TTLL3: variants seen among roughly 807,000 people sequenced by gnomAD.
TTLL3 encodes tubulin monoglycylase TTLL3.
In TTLL3, 63 loss-of-function variants were observed where a neutral mutation model predicts 75.2. The ratio of observed to expected loss-of-function variants is 0.84; its 90% CI spans 0.68 to 1.03. The LOEUF (loss-of-function observed/expected upper bound fraction) is 1.03, where lower values mean the gene tolerates loss of function less well. TTLL3 is among the 50% of genes least tolerant of loss of function. The pLI is 0.00. For synonymous variants in TTLL3, 393 were observed against 418.5 expected (o/e 0.94, Z 0.74); for missense variants, 997 against 1,069.9 (o/e 0.93, Z 0.95).
At chr3:9,815,950 G>T in intron 4 of TTLL3, 124 bp from the exon 5 acceptor site, 1 of 998,108 alleles carries the variant, frequency 1.0e-6, no homozygotes. Context: ...GTGGGCTAGA[G>T]GCCACCTTGG....
rs545180779 is a variant in TTLL3, at chr3:9,829,337, T to A, written c.1625T>A (p.Ile542Asn). ...GVQADTLRVV[I>N]DRMLDRNCDT... ...CAAGCTGACACCCTGCGCGTGGTCA[T>A]TGACCGGATGCTGGACCGCAACTGT... is the stretch of plus-strand genomic sequence containing the variant. Residue 542 changes from isoleucine to asparagine, a missense_variant, in exon 11 of 14, where the codon ATT (isoleucine) becomes AAT (asparagine). By Grantham distance (149) the Ile-to-Asn change is moderately radical (BLOSUM62 -3). Coordinates refer to ENST00000685419, the MANE Select transcript of TTLL3 (RefSeq NM_001387446.1). 6.2e-7 allele frequency: 1 copy of A among 1,612,512 alleles called. No individual in the cohort carries two copies. The highest frequency in any genetic ancestry group is 1.7e-5 in the Admixed American group (1 of 59,934).
At chr3:9,830,567 T>C (rs945334937) in intron 11 of TTLL3, among the ~76,000 whole-genome samples, 2 of 152,130 alleles carry the variant, frequency 1.3e-5, no homozygotes, top group African/African-American at 2.4e-5. Context: ...TAAATTAATA[T>C]ATTGGCGTTT....
rs1279768211 is a variant in TTLL3, at chr3:9,810,416, C to T, written c.-42+22C>T. 6 of 1,413,784 alleles carry T rather than the reference C, an allele frequency of 4.2e-6. No homozygotes were observed. Among genetic ancestry groups the T allele is most frequent in the Admixed American group, 6.2e-5 (2 of 32,248 alleles). The allele number at this position is 1,413,784 out of a possible 1,614,324, so 87.6% of individuals were successfully genotyped here. On this transcript the variant is annotated intron_variant, in intron 1 of 13. Coordinates refer to ENST00000685419, the MANE Select transcript of TTLL3 (RefSeq NM_001387446.1). This position sits in a 1 kb window ranked among gnomAD's most constrained non-coding sequence, Gnocchi z 4.4. ...GATGGTGAGGCCCGTGCGGCCCGCT[C>T]GCTCTGGCCTACAGCGGCTGCGAGG...
chr3:9,821,378 G>A (rs1402256071), intron 8 of TTLL3, among the ~76,000 whole-genome samples: 3 of 152,182 alleles, frequency 2.0e-5, no homozygotes, highest in African/African-American at 7.2e-5. Context: ...AGCATTTCTT[G>A]AGCAACTCCG....
chr3:9,824,737 C>CTTTTTTTTTTTTTT (rs71052207), intron 8 of TTLL3, among the ~76,000 whole-genome samples: 13 of 80,642 alleles, frequency 1.6e-4, no homozygotes, highest in Non-Finnish European at 2.2e-4. Flanking sequence ...CTTTTCTTTT[C>CTTTTTTTTTTTTTT]TTTTTTTTTT....
chr3:9,820,939 C>A, intron 8 of TTLL3, 198 bp downstream of exon 8: 1 of 827,898 alleles, frequency 1.2e-6, no homozygotes, highest in Non-Finnish European at 1.8e-6. Flanking sequence ...ATAGCATAGT[C>A]ACTAAGAGCA....
upstream of TTLL3, chr3:9,810,094 G>A: frequency 2.1e-6 from 3 of 1,439,540 alleles, no homozygotes; most frequent in East Asian, 3.0e-5. This position sits in a 1 kb window ranked among gnomAD's most constrained non-coding sequence, Gnocchi z 4.4. Context: ...CCGCCAGGAG[G>A]GCGGCGCGGT....
intron 4 of TTLL3, among the ~76,000 whole-genome samples, chr3:9,814,854 G>A (rs1285830278): frequency 2.0e-5 from 3 of 151,882 alleles, no homozygotes; most frequent in African/African-American, 4.8e-5. Context: ...TGAAAGAGTC[G>A]GTGTGATGAT....
chr3:9,823,307 C>T (rs963382154), intron 8 of TTLL3, among the ~76,000 whole-genome samples: 1 of 151,894 alleles, frequency 6.6e-6, no homozygotes, highest in Non-Finnish European at 1.5e-5. Context: ...TGGCGTGAAC[C>T]CAGAAGGCGG....
At chr3:9,820,055 A>C in intron 7 of TTLL3, 1 of 991,118 alleles carries the variant, frequency 1.0e-6, no homozygotes. Context: ...GGCCTTGTGC[A>C]GTAACAGTGC....
chr3:9,817,600 A>C, intron 5 of TTLL3, 45 bp from the exon 6 acceptor site: 1 of 1,612,988 alleles, frequency 6.2e-7, no homozygotes, highest in East Asian at 2.2e-5. Context: ...GTGTGTGGTG[A>C]GTGTGGGCAG....
At chr3:9,814,491 T>C (rs2079639857) in intron 4 of TTLL3, among the ~76,000 whole-genome samples, 1 of 151,006 alleles carries the variant, frequency 6.6e-6, no homozygotes, top group Admixed American at 6.6e-5. Flanking sequence ...ACTAAAAAAA[T>C]AGAAAAATTA....
Position 9,829,434 on chromosome 3 carries a change from G to C in TTLL3, c.1683+39G>C, listed in dbSNP as rs182836448. On this transcript the variant is annotated intron_variant, in intron 11 of 13. Coordinates refer to ENST00000685419, the MANE Select transcript of TTLL3 (RefSeq NM_001387446.1). Reference sequence around the variant, plus strand: ...GCCCAGGCAGGACCCCAGAGAGTCTGCACCCTCTTCCAGGCAGCCCTGCAG... The same window carrying C: ...GCCCAGGCAGGACCCCAGAGAGTCTCCACCCTCTTCCAGGCAGCCCTGCAG... 6.7e-5 allele frequency: 103 copies of C among 1,543,728 alleles called. No individual in the cohort carries two copies. In the East Asian group the frequency reaches 8.8e-4, roughly 13 times the overall value.
chr3:9,813,050 G>A lies in TTLL3; in HGVS notation c.156G>A (p.Leu52=), dbSNP rs2125677714. 1 of 1,588,948 alleles carries A rather than the reference G, an allele frequency of 6.3e-7. No individual in the cohort carries two copies. ...TGGTCCATCGCTCAGGCCCCACCCT[G>A]CTGCCACCCCAGAAGGATCTGGATA... ...KKMVHRSGPT[L]LPPQKDLDSS... Residue 52 remains leucine (L), a synonymous_variant, in exon 3 of 14, where the codon CTG becomes CTA. Transcript: ENST00000685419.
intron 9 of TTLL3, 35 bp downstream of exon 9, chr3:9,825,983 T>C (rs757508900): frequency 6.2e-7 from 1 of 1,604,496 alleles, no homozygotes; most frequent in Non-Finnish European, 8.5e-7. Flanking sequence ...CACTGGCACC[T>C]CACCACCTGC....
intron 4 of TTLL3, among the ~76,000 whole-genome samples, chr3:9,815,705 T>TGTCTCA (rs1343611356): frequency 6.6e-6 from 1 of 152,278 alleles, no homozygotes; most frequent in African/African-American, 2.4e-5. Flanking sequence ...GGTGGGTCTA[T>TGTCTCA]GTCTCAGTCT....
chr3:9,820,559 C>G lies in TTLL3; in HGVS notation c.672C>G (p.Pro224=). Residue 224 remains proline (P), a synonymous_variant, in exon 8 of 14, where the codon CCC becomes CCG. Transcript: ENST00000685419. ...CCCTATGTGCAGGAGACAAGCAGCC[C>G]AAGAAACAGGAGAAAAACCCAGTGT... ...VEEEASGDKQ[P]KKQEKNPVLV... 1 of 1,613,996 alleles carries G rather than the reference C, an allele frequency of 6.2e-7. No homozygotes were observed. Among genetic ancestry groups the G allele is most frequent in the Non-Finnish European group, 8.5e-7 (1 of 1,179,972 alleles).
chr3:9,825,398 G>A lies in TTLL3; in HGVS notation c.855-402G>A, dbSNP rs1037134223. 1.0e-4 allele frequency: 25 copies of A among 238,338 alleles called. No individual in the cohort carries two copies. The East Asian group carries it at 2.8e-3, about 27-fold the overall frequency. 14.8% of individuals were successfully genotyped at this position (238,338 alleles called of 1,614,324 possible). A position where few individuals can be genotyped will look rare whatever the true frequency, so the allele number is the denominator to read the frequency against. ...GGTACTAGTAATACTTCCCTGGCAG[G>A]GCCTTGAGGGCATTCGTGAAAATAT... is the stretch of plus-strand genomic sequence containing the variant. On this transcript the variant is annotated intron_variant, in intron 8 of 13. Coordinates refer to ENST00000685419, the MANE Select transcript of TTLL3 (RefSeq NM_001387446.1).
Position 9,825,828 on chromosome 3 carries a change from A to G in TTLL3, c.883A>G (p.Thr295Ala), listed in dbSNP as rs1186157999. ...AGGGGCAGAACTCAGGCACCTCGAC[A>G]CTCAGGTCCAGCGCTGTGAGGACAT... ...HEGAELRHLD[T>A]QVQRCEDILQ... The change falls in exon 9 of 14, where the codon ACT becomes GCT. Residue 295 changes from threonine to alanine, a missense_variant. Physicochemically the swap from Thr to Ala is moderately conservative, Grantham distance 58. Transcript: ENST00000685419. 1 of 1,614,048 alleles carries G rather than the reference A, an allele frequency of 6.2e-7. No homozygotes were observed. The highest frequency in any genetic ancestry group is 1.1e-5 in the South Asian group (1 of 91,068).
Sources: allele counts gnomAD v4.1 joint callset (sites outside exome capture counted in the v4.1 genomes callset), GRCh38; gene constraint gnomAD v4.1.1; non-coding constraint Gnocchi (gnomAD v3.1); transcripts MANE v1.5; gene names NCBI Gene and HGNC (gene_info 2026-07-23, HGNC 2026-07-21).